GPC6: variants seen among roughly 807,000 people sequenced by gnomAD.
GPC6 encodes glypican 6.
In GPC6, 14 loss-of-function variants were observed where a neutral mutation model predicts 55.2. That is an observed-to-expected ratio of 0.25 (90% CI 0.17 to 0.40). The LOEUF (loss-of-function observed/expected upper bound fraction) is 0.40. Ranked by LOEUF, GPC6 falls within the 10% of genes least tolerant of loss-of-function variation. The pLI is 1.00. For missense variants in GPC6, 641 were observed against 708.5 expected (o/e 0.90, Z 1.08); for synonymous variants, 278 against 259.6 (o/e 1.07, Z -0.68).
In GPC6 at chr13:93,830,532, A is replaced by C; in HGVS notation, c.698A>C (p.Asn233Thr). The change falls in exon 3 of 9, where the codon AAC becomes ACC. Residue 233 changes from asparagine to threonine, a missense_variant. By Grantham distance (65) the Asn-to-Thr change is moderately conservative. Coordinates refer to ENST00000377047, the MANE Select transcript of GPC6 (RefSeq NM_005708.5). ...CTGACTGTGGGCAGAGAAGTTGCAA[A>C]CCGAGTTTCCAAGGTAATTGAAAAC... Reference protein sequence around the residue: ...QGLTVGREVANRVSKVSPTPG... With the variant: ...QGLTVGREVATRVSKVSPTPG... 1 of 1,612,474 alleles carries C rather than the reference A, an allele frequency of 6.2e-7. No individual in the cohort carries two copies. Among genetic ancestry groups the C allele is most frequent in the Middle Eastern group, 1.7e-4 (1 of 6,052 alleles).
At chr13:93,660,472 A>T (rs1880876919) in intron 2 of GPC6, among the ~76,000 whole-genome samples, 1 of 152,198 alleles carries the variant, frequency 6.6e-6, no homozygotes, top group Admixed American at 6.5e-5. Context: ...GTAAAACCTG[A>T]CATAAAAACA....
chr13:93,735,383 C>G (rs1410995094), intron 2 of GPC6, among the ~76,000 whole-genome samples: 1 of 151,800 alleles, frequency 6.6e-6, no homozygotes, highest in South Asian at 2.1e-4. Flanking sequence ...AAATACAAAA[C>G]TTAGCTGGGC....
At chr13:94,303,524 C>A (rs1334429672) in intron 5 of GPC6, among the ~76,000 whole-genome samples, 1 of 152,082 alleles carries the variant, frequency 6.6e-6, no homozygotes, top group Non-Finnish European at 1.5e-5. Flanking sequence ...ATGATAGGAT[C>A]TCTGTTTAGG....
rs572604152 is a variant in GPC6, at chr13:93,374,958, A to G, written c.160+147342A>G. Among the ~76,000 whole-genome samples, 3 of 152,240 alleles carry G rather than the reference A, an allele frequency of 2.0e-5. No homozygotes were observed. In the South Asian group the frequency reaches 6.2e-4, roughly 32 times the overall value. Reference sequence around the variant, plus strand: ...CCTTTGGTCTTTGATTTTATCTCTAATCATCCTGTTTTTGAGGAGTACCAT... The same window carrying G: ...CCTTTGGTCTTTGATTTTATCTCTAGTCATCCTGTTTTTGAGGAGTACCAT... On this transcript the variant is annotated intron_variant, in intron 1 of 8. Transcript: ENST00000377047.
intron 3 of GPC6, among the ~76,000 whole-genome samples, chr13:94,015,879 C>T (rs1338071744): frequency 6.6e-6 from 1 of 152,186 alleles, no homozygotes; most frequent in Non-Finnish European, 1.5e-5. Flanking sequence ...TACACCAGTA[C>T]CACTGTGTCA....
In GPC6 at chr13:94,353,588, TACAC is replaced by T. The variant is rs367731617; in HGVS notation, c.1153-28814_1153-28811del. 2.6e-5 allele frequency among the ~76,000 whole-genome samples: 4 copies of T among 151,434 alleles called. No homozygotes were observed. In the East Asian group the frequency reaches 7.7e-4, roughly 29 times the overall value. On this transcript the variant is annotated intron_variant, in intron 6 of 8. Coordinates refer to ENST00000377047, the MANE Select transcript of GPC6 (RefSeq NM_005708.5). Reference sequence around the variant, plus strand: ...TGTGCGAGGAGCATATATATATATATACACACACACACACATTCCTCTTTAAATG... The same window carrying T: ...TGTGCGAGGAGCATATATATATATATACACACACACATTCCTCTTTAAATG...
At chr13:93,400,627 A>G (rs774626578) in intron 1 of GPC6, among the ~76,000 whole-genome samples, 5 of 152,224 alleles carry the variant, frequency 3.3e-5, no homozygotes, top group Admixed American at 6.5e-5. Flanking sequence ...ACACAAACGA[A>G]TAACACTTGA....
chr13:93,815,536 ATTG>A (rs1465365808), intron 2 of GPC6, among the ~76,000 whole-genome samples: 1 of 152,154 alleles, frequency 6.6e-6, no homozygotes, highest in Admixed American at 6.5e-5. Context: ...ATTAAAGATG[ATTG>A]TTTTTTGTTT....
chr13:94,018,210 C>T (rs998317124), intron 3 of GPC6, among the ~76,000 whole-genome samples: 1 of 151,536 alleles, frequency 6.6e-6, no homozygotes, highest in Non-Finnish European at 1.5e-5. Flanking sequence ...TTACTAGACA[C>T]GTATTATATT....
chr13:94,148,129 C>T (rs939036831), intron 4 of GPC6, among the ~76,000 whole-genome samples: 1 of 152,160 alleles, frequency 6.6e-6, no homozygotes. Context: ...ATGTGTCCAA[C>T]CATTTCAATA....
chr13:93,809,139 A>G (rs1316974318), intron 2 of GPC6, among the ~76,000 whole-genome samples: 1 of 152,190 alleles, frequency 6.6e-6, no homozygotes. Context: ...TCTTGTAACT[A>G]CCTGGCAAAT....
intron 1 of GPC6, among the ~76,000 whole-genome samples, chr13:93,490,624 T>A (rs1879952421): frequency 7.5e-6 from 1 of 132,658 alleles, no homozygotes; most frequent in South Asian, 2.7e-4. Context: ...ACCCACTAAC[T>A]CGTCATCTAG....
At chr13:93,761,017 C>T (rs1341137516) in intron 2 of GPC6, among the ~76,000 whole-genome samples, 2 of 152,152 alleles carry the variant, frequency 1.3e-5, no homozygotes, top group Non-Finnish European at 2.9e-5. Context: ...GATCAGTCTT[C>T]AATATATGAG....
chr13:94,368,612 C>T (rs1001117500), intron 6 of GPC6, among the ~76,000 whole-genome samples: 5 of 151,682 alleles, frequency 3.3e-5, no homozygotes, highest in Non-Finnish European at 5.9e-5. Flanking sequence ...TCTAAGAATA[C>T]GAGGGAGGGA....
chr13:93,352,091 T>G (rs924136978), intron 1 of GPC6, among the ~76,000 whole-genome samples: 6 of 152,114 alleles, frequency 3.9e-5, no homozygotes, highest in Non-Finnish European at 7.3e-5. Context: ...AAATCAGGAG[T>G]AATTACTTAA....
At chr13:94,289,283 T>C (rs759694016) in intron 5 of GPC6, among the ~76,000 whole-genome samples, 77 of 152,266 alleles carry the variant, frequency 5.1e-4, no homozygotes, top group Non-Finnish European at 1.1e-3. Flanking sequence ...CTGTAATAGT[T>C]ACACTGTTTG....
intron 4 of GPC6, among the ~76,000 whole-genome samples, chr13:94,240,540 G>A (rs887168147): frequency 7.9e-5 from 12 of 152,082 alleles, no homozygotes; most frequent in African/African-American, 1.9e-4. Flanking sequence ...AGTCACAGCT[G>A]TAGAAGTTGG....
At chr13:93,793,830 G>T (rs1380341597) in intron 2 of GPC6, among the ~76,000 whole-genome samples, 2 of 152,096 alleles carry the variant, frequency 1.3e-5, no homozygotes, top group African/African-American at 4.8e-5. Flanking sequence ...TTTGTGATAT[G>T]AATCCACAGT....
intron 1 of GPC6, among the ~76,000 whole-genome samples, chr13:93,479,615 C>CG (rs143635721): frequency 0.022 from 3,362 of 151,702 alleles, 46 homozygotes; most frequent in Non-Finnish European, 0.034. Flanking sequence ...GAGACCCCCC[C>CG]CCATCTCTAC....
Sources: gnomAD v4.1 joint callset for allele counts (sites outside exome capture counted in the v4.1 genomes callset) on GRCh38, gnomAD v4.1.1 for gene constraint, MANE v1.5 for transcripts, NCBI Gene and HGNC (gene_info 2026-07-23, HGNC 2026-07-21) for gene names.